The following PCDHGA4 variants were observed in gnomAD, a reference collection of about 807,000 sequenced individuals.
The protein encoded by PCDHGA4 is protocadherin gamma subfamily A, 4, also known as protocadherin gamma-A4.
A neutral mutation model predicts 54.6 loss-of-function variants in PCDHGA4; 38 were observed. The observed-to-expected ratio is 0.70, with a 90% CI of 0.54 to 0.91. The LOEUF (loss-of-function observed/expected upper bound fraction) is 0.91, where lower values mean the gene tolerates loss of function less well. Among genes scored for constraint, PCDHGA4 ranks in the 40% least tolerant of loss-of-function variants. The probability of loss-of-function intolerance (pLI) is 0.00; values close to 1 mark genes in which losing one functional copy is unlikely to be tolerated. For synonymous variants in PCDHGA4, 511 were observed against 512.9 expected, an observed-to-expected ratio of 1.00 and a Z score of 0.05; for missense variants, 1,298 against 1,220.9, an observed-to-expected ratio of 1.06 and a Z score of -0.94.
chr5:141,496,126 C>T (rs934132550), intron 2 of PCDHGA4, among the ~76,000 whole-genome samples: 2 of 152,062 alleles, frequency 1.3e-5, no homozygotes, highest in African/African-American at 4.8e-5. Context: ...CCCTGCCCCT[C>T]ACACACTGAG....
intron 1 of PCDHGA4, chr5:141,403,774 C>T (rs1350465491): frequency 1.9e-6 from 3 of 1,613,668 alleles, no homozygotes; most frequent in Non-Finnish European, 1.7e-6. Flanking sequence ...AGGGAATCAA[C>T]GGAAAAGTGG....
At chr5:141,419,668 G>A (rs752237614) in intron 1 of PCDHGA4, 1 of 1,612,892 alleles carries the variant, frequency 6.2e-7, no homozygotes, top group East Asian at 2.2e-5. Context: ...ACAATGCCTG[G>A]CTGTCCTACC....
chr5:141,414,515 C>T, intron 1 of PCDHGA4: 1 of 1,613,958 alleles, frequency 6.2e-7, no homozygotes, highest in Non-Finnish European at 8.5e-7. Flanking sequence ...CTACAAGTGG[C>T]AGATATCAAT....
chr5:141,357,255 C>A lies in PCDHGA4; in HGVS notation c.2148C>A (p.Asp716Glu). 1 of 1,613,736 alleles carries A rather than the reference C, an allele frequency of 6.2e-7. No individual in the cohort carries two copies. The highest frequency in any genetic ancestry group is 8.5e-7 in the Non-Finnish European group (1 of 1,179,710). ...LGSLKPSADP[D>E]DSGLTLYLVV... ...GCCTCAAGCCTTCAGCAGACCCAGA[C>A]GACTCGGGCCTCACACTCTATCTCG... Residue 716 changes from aspartate to glutamate, a missense_variant, in exon 1 of 4, where the codon GAC becomes GAA. Physicochemically the swap from Asp to Glu is conservative, Grantham distance 45. Transcript: ENST00000571252.
chr5:141,471,789 TCATATAAAAGA>T (rs777265354), intron 1 of PCDHGA4, among the ~76,000 whole-genome samples: 14 of 152,224 alleles, frequency 9.2e-5, no homozygotes, highest in Non-Finnish European at 1.9e-4. Flanking sequence ...TTATGCTATG[TCATATAAAAGA>T]CATATAAAAG....
intron 1 of PCDHGA4, chr5:141,378,543 A>G (rs1328752937): frequency 6.6e-6 from 1 of 152,122 alleles, no homozygotes; most frequent in East Asian, 1.9e-4. Context: ...AATGATAATT[A>G]ATAAATAAAG....
At chr5:141,418,433 C>G (rs761824602) in intron 1 of PCDHGA4, 44 of 1,613,938 alleles carry the variant, frequency 2.7e-5, no homozygotes, top group Non-Finnish European at 3.7e-5. Flanking sequence ...TGGCAAATAT[C>G]CAGAATTAGT....
Position 141,490,849 on chromosome 5 carries a change from C to T in PCDHGA4, c.2515-3958C>T, listed in dbSNP as rs200640560. The stretch of plus-strand genomic sequence containing the variant: ...GATGCTGCAGATTGTGGTGGGGGTT[C>T]GAGACTCCGGCTCTCCCCCATTGCA... On this transcript the variant is annotated intron_variant, in intron 1 of 3. Coordinates refer to ENST00000571252, the MANE Select transcript of PCDHGA4 (RefSeq NM_018917.4). This position sits in a 1 kb window ranked among gnomAD's most constrained non-coding sequence, Gnocchi z 5.4. The T allele has an allele frequency of 1.3e-5, 21 of 1,613,748 alleles. No individual in the cohort carries two copies. Among genetic ancestry groups the T allele is most frequent in the Admixed American group, 1.7e-5 (1 of 60,022 alleles).
intron 1 of PCDHGA4, chr5:141,364,734 A>T: frequency 6.2e-7 from 1 of 1,613,934 alleles, no homozygotes; most frequent in Non-Finnish European, 8.5e-7. Flanking sequence ...CGTTTCCGGG[A>T]TGAAGAGTTA....
intron 1 of PCDHGA4, chr5:141,371,432 G>A (rs751667760): frequency 1.9e-6 from 3 of 1,614,002 alleles, no homozygotes; most frequent in South Asian, 1.1e-5. Context: ...ATGCCCCGGA[G>A]ATAACCCTGG....
chr5:141,478,382 C>A (rs1287807889), intron 1 of PCDHGA4: 2 of 1,613,552 alleles, frequency 1.2e-6, no homozygotes, highest in South Asian at 2.2e-5. Flanking sequence ...GTCGCCGCAC[C>A]TTTACCATCA....
intron 1 of PCDHGA4, chr5:141,418,077 T>C (rs770464447): frequency 6.8e-6 from 11 of 1,613,914 alleles, no homozygotes; most frequent in Non-Finnish European, 8.5e-6. Flanking sequence ...GCGGAGAAGC[T>C]GCACTTCAGC....
At chr5:141,464,759 ACAGG>A (rs2099090169) in intron 1 of PCDHGA4, among the ~76,000 whole-genome samples, 1 of 152,158 alleles carries the variant, frequency 6.6e-6, no homozygotes, top group Non-Finnish European at 1.5e-5. Context: ...TTTTTTAGAG[ACAGG>A]AATCTTGTTC....
At chr5:141,473,884 G>T (rs1162382168) in intron 1 of PCDHGA4, among the ~76,000 whole-genome samples, 1 of 152,162 alleles carries the variant, frequency 6.6e-6, no homozygotes, top group African/African-American at 2.4e-5. Context: ...ATACACAAGG[G>T]TTCTGTTGGT....
At chr5:141,426,788 T>C (rs2096960035) in intron 1 of PCDHGA4, 1 of 456,568 alleles carries the variant, frequency 2.2e-6, no homozygotes, top group African/African-American at 2.0e-5. Context: ...CTCTCCAGAG[T>C]TACCAGCTCA....
intron 1 of PCDHGA4, among the ~76,000 whole-genome samples, chr5:141,434,129 G>T (rs1242855904): frequency 6.6e-6 from 1 of 152,092 alleles, no homozygotes; most frequent in East Asian, 1.9e-4. Flanking sequence ...CTCCCTTTAG[G>T]CTGATTTCTA....
intron 1 of PCDHGA4, chr5:141,478,531 C>G (rs771145308): frequency 1.2e-6 from 2 of 1,608,190 alleles, no homozygotes; most frequent in East Asian, 2.2e-5. Context: ...GTGCAGAGAG[C>G]GCCCCTCCCG....
intron 1 of PCDHGA4, chr5:141,414,585 C>CA: frequency 6.2e-7 from 1 of 1,613,968 alleles, no homozygotes; most frequent in East Asian, 2.2e-5. Flanking sequence ...AGAACAACGC[C>CA]AGGGGTGCCT....
In PCDHGA4 at chr5:141,486,936, A is replaced by G; in HGVS notation, c.2515-7871A>G. 2 of 1,614,184 alleles carry G rather than the reference A, an allele frequency of 1.2e-6. No individual in the cohort carries two copies. Among genetic ancestry groups the G allele is most frequent in the Non-Finnish European group, 1.7e-6 (2 of 1,180,030 alleles). On this transcript the variant is annotated intron_variant, in intron 1 of 3. Transcript: ENST00000571252. This position sits in a 1 kb window ranked among gnomAD's most constrained non-coding sequence, Gnocchi z 5.0. ...CTGCCTCCATCAGTTGGTGCTGGCC[A>G]CCTAATCACAAAGGTGACTGCTGTG...
Sources: gnomAD v4.1 joint callset for allele counts (sites outside exome capture counted in the v4.1 genomes callset) on GRCh38, gnomAD v4.1.1 for gene constraint, Gnocchi (gnomAD v3.1) non-coding constraint, MANE v1.5 for transcripts, NCBI Gene and HGNC (gene_info 2026-07-23, HGNC 2026-07-21) for gene names.